SCGB2B2: variants seen among roughly 807,000 people sequenced by gnomAD.
SCGB2B2 encodes secretoglobin family 2B member 2, also known as secretoglobin-like protein.
In SCGB2B2, 11 loss-of-function variants were observed where a neutral mutation model predicts 7.6. That is an observed-to-expected ratio of 1.45 (90% CI 0.91 to 2.40). The LOEUF (loss-of-function observed/expected upper bound fraction) is 2.40, where lower values mean the gene tolerates loss of function less well. Among genes scored for constraint, SCGB2B2 ranks in the 30% most tolerant of loss-of-function variants. SCGB2B2 has a pLI of 0.00. For synonymous variants in SCGB2B2, 50 were observed against 48.6 expected (o/e 1.03, Z -0.12); for missense variants, 104 against 115.4 (o/e 0.90, Z 0.45).
intron 1 of SCGB2B2, among the ~76,000 whole-genome samples, chr19:34,644,612 G>T (rs1027952166): frequency 3.3e-5 from 5 of 151,856 alleles, no homozygotes; most frequent in Non-Finnish European, 5.9e-5. Context: ...GCTTATTCTG[G>T]GTAACTCATA....
intron 1 of SCGB2B2, chr19:34,645,725 G>T: frequency 4.9e-6 from 2 of 405,388 alleles, no homozygotes; most frequent in East Asian, 7.4e-5. Flanking sequence ...CCAGCTGGGT[G>T]AGAAAGAAGC....
At chr19:34,651,444 A>G (rs2146078814) in intron 1 of SCGB2B2, among the ~76,000 whole-genome samples, 1 of 151,484 alleles carries the variant, frequency 6.6e-6, no homozygotes, top group East Asian at 1.9e-4. Flanking sequence ...AAGATGAAGG[A>G]TACAAAATCA....
intron 1 of SCGB2B2, among the ~76,000 whole-genome samples, chr19:34,604,474 G>A (rs1164480926): frequency 2.0e-5 from 3 of 152,142 alleles, no homozygotes; most frequent in African/African-American, 2.4e-5. Flanking sequence ...CCATCTAGCC[G>A]AGCCCAGCTT....
At chr19:34,637,870 G>C (rs2066729941) in intron 1 of SCGB2B2, 1 of 152,152 alleles carries the variant, frequency 6.6e-6, no homozygotes, top group African/African-American at 2.4e-5. Context: ...AACTTCAATG[G>C]CATATCAGTA....
intron 1 of SCGB2B2, among the ~76,000 whole-genome samples, chr19:34,608,269 A>G (rs2065833891): frequency 6.6e-6 from 1 of 152,040 alleles, no homozygotes; most frequent in Non-Finnish European, 1.5e-5. Flanking sequence ...TTCATTATCA[A>G]TGTATATAAA....
In SCGB2B2 at chr19:34,634,613, C is replaced by T. The variant is rs556820290; in HGVS notation, c.-2031-38019G>A. 5.9e-5 allele frequency among the ~76,000 whole-genome samples: 9 copies of T among 152,290 alleles called. No homozygotes were observed. In the South Asian group the frequency reaches 1.9e-3, roughly 32 times the overall value. The stretch of plus-strand genomic sequence containing the variant: ...CTATGTGGACCAAGCAGACAGCATC[C>T]TCCCTGCGTTCCAAGGCCTTCCTCC... On this transcript the variant is annotated intron_variant, in intron 1 of 3. Coordinates refer to ENST00000601241, the MANE Select transcript of SCGB2B2 (RefSeq NM_001025591.4).
At chr19:34,597,733 A>T (rs1370783895) in intron 1 of SCGB2B2, among the ~76,000 whole-genome samples, 2 of 152,104 alleles carry the variant, frequency 1.3e-5, no homozygotes, top group African/African-American at 2.4e-5. Context: ...GGAAGACAAC[A>T]ATTATTTGGT....
In SCGB2B2 at chr19:34,658,813, CA is replaced by C. The variant is rs138363297; in HGVS notation, c.-2032+16816del. ...GACACAACAACAACAACAACAACAA[CA>C]AAAAAAAAAAAAAAAAAAAAAGAGA... is the stretch of plus-strand genomic sequence containing the variant. On this transcript the variant is annotated intron_variant, in intron 1 of 3. Coordinates refer to ENST00000601241, the MANE Select transcript of SCGB2B2 (RefSeq NM_001025591.4). Among the ~76,000 whole-genome samples, 567 of 101,980 alleles carry C rather than the reference CA, an allele frequency of 5.6e-3. 6 individuals are homozygous for C. Among genetic ancestry groups the C allele is most frequent in the East Asian group, 0.027 (77 of 2,854 alleles). The allele number at this position is 101,980 out of a possible 152,430, so 66.9% of individuals were successfully genotyped here.
intron 1 of SCGB2B2, among the ~76,000 whole-genome samples, chr19:34,658,203 AAACAAAT>A (rs1348706242): frequency 6.6e-6 from 1 of 152,206 alleles, no homozygotes; most frequent in Admixed American, 6.5e-5. Flanking sequence ...ATTCAAGAGC[AAACAAAT>A]TCAAAGACTA....
At chr19:34,623,992 T>C (rs2066304317) in intron 1 of SCGB2B2, among the ~76,000 whole-genome samples, 1 of 152,144 alleles carries the variant, frequency 6.6e-6, no homozygotes, top group Non-Finnish European at 1.5e-5. Flanking sequence ...TGATCACTTA[T>C]AGAGGGATGC....
intron 1 of SCGB2B2, among the ~76,000 whole-genome samples, chr19:34,660,470 C>A (rs564431526): frequency 3.3e-5 from 5 of 152,136 alleles, no homozygotes; most frequent in African/African-American, 4.8e-5. Context: ...AAAAAGTGGG[C>A]AAAGGATATG....
intron 1 of SCGB2B2, among the ~76,000 whole-genome samples, chr19:34,611,131 A>G (rs2065914873): frequency 6.6e-6 from 1 of 152,280 alleles, no homozygotes; most frequent in Admixed American, 6.5e-5. Context: ...AGCAGTCTCT[A>G]ATGATATTTT....
At chr19:34,661,039 C>T (rs2067438583) in intron 1 of SCGB2B2, among the ~76,000 whole-genome samples, 1 of 151,766 alleles carries the variant, frequency 6.6e-6, no homozygotes, top group African/African-American at 2.4e-5. Context: ...AAGCCAAACA[C>T]CACATATTCT....
intron 1 of SCGB2B2, among the ~76,000 whole-genome samples, chr19:34,667,945 TTAC>T (rs1228939206): frequency 2.0e-5 from 3 of 152,202 alleles, no homozygotes; most frequent in Admixed American, 1.3e-4. Context: ...CTGGTCACCC[TTAC>T]CAATCAGGGT....
intron 1 of SCGB2B2, among the ~76,000 whole-genome samples, chr19:34,619,413 TG>T (rs1189461304): frequency 3.0e-4 from 11 of 36,554 alleles, no homozygotes; most frequent in Non-Finnish European, 6.6e-4. Context: ...TTCTGGCTTT[TG>T]AATTTTTTTT....
chr19:34,671,839 A>AT (rs925803403), intron 1 of SCGB2B2, among the ~76,000 whole-genome samples: 7 of 152,076 alleles, frequency 4.6e-5, no homozygotes, highest in African/African-American at 1.4e-4. Context: ...TTTATTCCAG[A>AT]TTTTTTTCAC....
intron 1 of SCGB2B2, among the ~76,000 whole-genome samples, chr19:34,648,466 G>C (rs1343110313): frequency 2.0e-5 from 3 of 152,172 alleles, no homozygotes; most frequent in African/African-American, 7.2e-5. Flanking sequence ...GTGTTTGAAA[G>C]AATAAGGAAA....
intron 1 of SCGB2B2, among the ~76,000 whole-genome samples, chr19:34,654,839 T>C (rs2067242522): frequency 6.6e-6 from 1 of 151,064 alleles, no homozygotes; most frequent in African/African-American, 2.5e-5. Context: ...ATCACTTTGA[T>C]GTTAACTCTG....
intron 1 of SCGB2B2, among the ~76,000 whole-genome samples, chr19:34,675,165 G>A (rs575096055): frequency 6.9e-4 from 105 of 152,312 alleles, no homozygotes; most frequent in Middle Eastern, 3.4e-3. Context: ...AGAGAGTGTT[G>A]GCAGTAAGAG....
Sources: gnomAD v4.1 joint callset for allele counts (sites outside exome capture counted in the v4.1 genomes callset) on GRCh38, gnomAD v4.1.1 for gene constraint, MANE v1.5 for transcripts, NCBI Gene and HGNC (gene_info 2026-07-23, HGNC 2026-07-21) for gene names.